Variants in PTPRC observed in about 807,000 individuals in gnomAD.
PTPRC encodes the protein protein tyrosine phosphatase receptor type C.
PTPRC carries 44 observed loss-of-function variants against 155.9 expected under a neutral mutation model. The observed-to-expected ratio is 0.28, with a 90% CI of 0.22 to 0.36. The LOEUF is 0.36. PTPRC is among the 10% of genes least tolerant of loss of function. The pLI is 1.00. For synonymous variants in PTPRC, 525 were observed against 533.1 expected (o/e 0.98, Z 0.21); for missense variants, 1,401 against 1,564.6 (o/e 0.90, Z 1.76).
chr1:198,662,515 T>C (rs957793773), intron 2 of PTPRC, among the ~76,000 whole-genome samples: 1 of 151,762 alleles, frequency 6.6e-6, no homozygotes, highest in African/African-American at 2.4e-5. Context: ...CATATTAGTA[T>C]ATACACAAAT....
chr1:198,750,695 C>T, intron 29 of PTPRC, 69 bp downstream of exon 29: 1 of 1,563,956 alleles, frequency 6.4e-7, no homozygotes. Flanking sequence ...TCTTGGATTG[C>T]TTGCTTCATC....
Position 198,646,295 on chromosome 1 carries a change from C to G in PTPRC, c.73+6954C>G, listed in dbSNP as rs976857018. 7.9e-5 allele frequency among the ~76,000 whole-genome samples: 12 copies of G among 151,720 alleles called. No homozygotes were observed. The South Asian group carries it at 1.7e-3, about 21-fold the overall frequency. ...TATTAGATTCATGAATCCATTTTAC[C>G]CATGTCAAGTTCTACTGAATATAGC... is the stretch of plus-strand genomic sequence containing the variant. On this transcript the variant is annotated intron_variant, in intron 2 of 32. Coordinates refer to ENST00000442510, the MANE Select transcript of PTPRC (RefSeq NM_002838.5).
chr1:198,669,477 TATTATTAG>T (rs1664521946), intron 2 of PTPRC, among the ~76,000 whole-genome samples: 2 of 152,208 alleles, frequency 1.3e-5, no homozygotes, highest in African/African-American at 2.4e-5. Flanking sequence ...GAAAAAAATG[TATTATTAG>T]ATTTAAATAT....
chr1:198,706,838 A>T lies in PTPRC; in HGVS notation c.790A>T (p.Thr264Ser). Residue 264 changes from threonine to serine, a missense_variant, in exon 9 of 33, where the codon ACT becomes TCT. By Grantham distance (58) the Thr-to-Ser change is moderately conservative. Transcript: ENST00000442510. ...VNENVECGNNTCTNNEVHNLT... is the reference protein window; with the variant it reads ...VNENVECGNNSCTNNEVHNLT... ...TGAGAATGTGGAATGTGGAAACAATACTTGCACAAACAATGAGGTGCATAA... is the reference window on the plus strand; with the variant it reads ...TGAGAATGTGGAATGTGGAAACAATTCTTGCACAAACAATGAGGTGCATAA... The T allele has an allele frequency of 6.2e-7, 1 of 1,613,100 alleles. No homozygotes were observed. The highest frequency in any genetic ancestry group is 8.5e-7 in the Non-Finnish European group (1 of 1,179,106).
chr1:198,660,029 C>CTA (rs1557974711), intron 2 of PTPRC, among the ~76,000 whole-genome samples: 10 of 33,088 alleles, frequency 3.0e-4, no homozygotes, highest in African/African-American at 1.3e-3. Context: ...ATATATATGT[C>CTA]CATATATATA....
At chr1:198,716,989 A>G (rs1400969423) in intron 13 of PTPRC, 149 bp downstream of exon 13, 1 of 698,842 alleles carries the variant, frequency 1.4e-6, no homozygotes, top group Non-Finnish European at 2.4e-6. Flanking sequence ...CGTAAAATCT[A>G]AAAGTTTAAA....
Position 198,741,881 on chromosome 1 carries a change from G to A in PTPRC, c.2416G>A (p.Ala806Thr), listed in dbSNP as rs1654914291. The change falls in exon 24 of 33, where the codon GCA (alanine) becomes ACA (threonine). Residue 806 changes from alanine (A) to threonine (T), a missense_variant. Ala to Thr is a moderately conservative substitution (Grantham distance 58). Around this residue, in one of 3 missense-constraint regions of PTPRC, gnomAD observed 134 missense variants for 204.7 expected, o/e 0.65. Coordinates refer to ENST00000442510, the MANE Select transcript of PTPRC (RefSeq NM_002838.5). ...ATCTCTTGACTAGAAAAAAGAAAAA[G>A]CAACTGGAAGAGAGGTGACTCACAT... Reference protein sequence around the residue: ...KLNIVNKKEKATGREVTHIQF... With the variant: ...KLNIVNKKEKTTGREVTHIQF... 1 of 1,611,428 alleles carries A rather than the reference G, an allele frequency of 6.2e-7. No individual in the cohort carries two copies. Among genetic ancestry groups the A allele is most frequent in the African/African-American group, 1.3e-5 (1 of 74,680 alleles).
chr1:198,729,636 C>G (rs866947074), intron 17 of PTPRC, among the ~76,000 whole-genome samples: 2 of 152,180 alleles, frequency 1.3e-5, no homozygotes, highest in Admixed American at 6.5e-5. Context: ...TCACTCAGCA[C>G]CTGTGAAGTT....
Position 198,702,509 on chromosome 1 carries a change from A to G in PTPRC, c.562A>G (p.Thr188Ala). 2.5e-6 allele frequency: 4 copies of G among 1,614,102 alleles called. No individual in the cohort carries two copies. The highest frequency in any genetic ancestry group is 3.4e-6 in the Non-Finnish European group (4 of 1,180,006). ...AALPARTSNT[T>A]ITANTSDAYL... Reference sequence around the variant, plus strand: ...CTTACCTGCACGCACCTCCAACACCACCATCACAGCGAACACCTCAGGTCT... The same window carrying G: ...CTTACCTGCACGCACCTCCAACACCGCCATCACAGCGAACACCTCAGGTCT... Residue 188 changes from threonine to alanine, a missense_variant, in exon 6 of 33, where the codon ACC becomes GCC. This residue lies in a region of PTPRC where 867 missense variants were observed against 970.4 expected (regional missense o/e 0.89). Coordinates refer to ENST00000442510, the MANE Select transcript of PTPRC (RefSeq NM_002838.5).
chr1:198,720,919 C>A (rs1653855363), intron 14 of PTPRC, among the ~76,000 whole-genome samples: 1 of 152,118 alleles, frequency 6.6e-6, no homozygotes, highest in Non-Finnish European at 1.5e-5. Flanking sequence ...TCTATAATTT[C>A]TCAGAGGCAC....
At chr1:198,697,395 A>G (rs1157039290) in intron 4 of PTPRC, among the ~76,000 whole-genome samples, 6 of 152,166 alleles carry the variant, frequency 3.9e-5, no homozygotes, top group Non-Finnish European at 8.8e-5. Flanking sequence ...TCGACAACCC[A>G]ATTTTGTTAT....
rs1356809642 is a variant in PTPRC at position 198,743,205 on chromosome 1, A to C, written c.2697+838A>C. 4.0e-5 allele frequency among the ~76,000 whole-genome samples: 6 copies of C among 151,816 alleles called. No individual in the cohort carries two copies. The East Asian group carries it at 1.2e-3, about 29-fold the overall frequency. ...TACAACAAATGCTATGTTGTGGTAGAAAGCAATGATCTAGGTTTGTGTCTG... is the reference window on the plus strand; with the variant it reads ...TACAACAAATGCTATGTTGTGGTAGCAAGCAATGATCTAGGTTTGTGTCTG... On this transcript the variant is annotated intron_variant, in intron 25 of 32. Transcript: ENST00000442510.
At position 198,706,728 on chromosome 1, in the gene PTPRC, T is replaced by C. The variant is rs1312465063; in HGVS notation, c.686-6T>C. On this transcript the variant is annotated splice_polypyrimidine_tract_variant and splice_region_variant and intron_variant, in intron 8 of 32. Transcript: ENST00000442510. ...AAATAACACTCAATGTTCTATTTTC[T>C]TTTAGATGAAAAATATGCAAACATC... The C allele has an allele frequency of 1.4e-5, 23 of 1,605,430 alleles. No homozygotes were observed. Among genetic ancestry groups the C allele is most frequent in the Non-Finnish European group, 2.0e-5 (23 of 1,174,298 alleles).
intron 2 of PTPRC, among the ~76,000 whole-genome samples, chr1:198,678,393 A>C (rs1225477696): frequency 1.3e-5 from 2 of 152,178 alleles, no homozygotes; most frequent in Non-Finnish European, 2.9e-5. Context: ...AATTAACCCA[A>C]CATTCAGCAA....
At chr1:198,728,514 T>A (rs933127550) in intron 16 of PTPRC, 66 bp downstream of exon 16, 110 of 1,563,984 alleles carry the variant, frequency 7.0e-5, no homozygotes, top group Non-Finnish European at 9.4e-5. Context: ...CATATCCATA[T>A]GGCAGTGATG....
At position 198,735,154 on chromosome 1, in the gene PTPRC, A is replaced by G. The variant is rs1558030527; in HGVS notation, c.2305A>G (p.Met769Val). 1 of 1,603,548 alleles carries G rather than the reference A, an allele frequency of 6.2e-7. No homozygotes were observed. The highest frequency in any genetic ancestry group is 8.5e-7 in the Non-Finnish European group (1 of 1,173,760). ...RNKCAEYWPS[M>V]EEGTRAFGDV... ...CAAGTGTGCAGAATACTGGCCGTCA[A>G]TGGAAGAGGGCACTCGGGCTTTTGG... Residue 769 changes from methionine (M) to valine (V), a missense_variant, in exon 23 of 33, where the codon ATG (methionine) becomes GTG (valine). Transcript: ENST00000442510.
At chr1:198,694,178 C>A in intron 3 of PTPRC, 2 of 1,486,312 alleles carry the variant, frequency 1.3e-6, no homozygotes, top group Non-Finnish European at 9.0e-7. Context: ...AACTTGGAGT[C>A]TGATGTTCAA....
At chr1:198,659,283 T>C (rs1663797544) in intron 2 of PTPRC, among the ~76,000 whole-genome samples, 1 of 152,208 alleles carries the variant, frequency 6.6e-6, no homozygotes. Flanking sequence ...ATTACTTGCA[T>C]ATTTTGTAGA....
At position 198,735,255 on chromosome 1, in the gene PTPRC, G is replaced by A; in HGVS notation, c.2403+3G>A. 6.3e-7 allele frequency: 1 copy of A among 1,596,000 alleles called. No homozygotes were observed. Among genetic ancestry groups the A allele is most frequent in the Non-Finnish European group, 8.5e-7 (1 of 1,169,722 alleles). ...TTCAGAAATTGAACATTGTAAATGT[G>A]AGTTTGCTTTTTACATAATTTTTGT... On this transcript the variant is annotated splice_donor_region_variant and intron_variant, in intron 23 of 32. Transcript: ENST00000442510.
Sources: gnomAD v4.1 joint callset for allele counts (sites outside exome capture counted in the v4.1 genomes callset) on GRCh38, gnomAD v4.1.1 for gene constraint, gnomAD v4.1.1 regional missense constraint, MANE v1.5 for transcripts, NCBI Gene and HGNC (gene_info 2026-07-23, HGNC 2026-07-21) for gene names.